Variants in CRLS1 observed in about 807,000 individuals in gnomAD.
CRLS1 encodes cardiolipin synthase 1, also known as cardiolipin synthase (CMP-forming).
In CRLS1, 24 loss-of-function variants were observed where a neutral mutation model predicts 37.0. The ratio of observed to expected loss-of-function variants is 0.65; its 90% CI spans 0.47 to 0.91. CRLS1 has a LOEUF of 0.91. Among genes scored for constraint, CRLS1 ranks in the 40% least tolerant of loss-of-function variants. The probability of loss-of-function intolerance (pLI) is 0.00; values close to 1 mark genes in which losing one functional copy is unlikely to be tolerated. For synonymous variants in CRLS1, 135 were observed against 159.7 expected (o/e 0.85, Z 1.17); for missense variants, 373 against 395.8 (o/e 0.94, Z 0.49).
chr20:6,020,693 G>A (rs1228482565), intron 3 of CRLS1, among the ~76,000 whole-genome samples: 1 of 151,620 alleles, frequency 6.6e-6, no homozygotes, highest in Non-Finnish European at 1.5e-5. Context: ...CGCAATCTTG[G>A]CTCACTGCAA....
At chr20:6,031,080 T>A (rs1181149475) in intron 3 of CRLS1, 1 of 444,146 alleles carries the variant, frequency 2.3e-6, no homozygotes. Flanking sequence ...GTACTTCACT[T>A]TGTTTTGAGG....
chr20:6,028,761 C>T (rs1005806269), intron 3 of CRLS1: 5 of 152,200 alleles, frequency 3.3e-5, no homozygotes, highest in African/African-American at 1.2e-4. Flanking sequence ...ATTTTACTTA[C>T]AGACACTGGA....
chr20:6,018,543 A>G (rs945095016), intron 3 of CRLS1, among the ~76,000 whole-genome samples: 4 of 152,166 alleles, frequency 2.6e-5, no homozygotes, highest in Non-Finnish European at 5.9e-5. Flanking sequence ...ACTATTAAAG[A>G]TGATGTTTGC....
intron 6 of CRLS1, among the ~76,000 whole-genome samples, chr20:6,036,613 G>A (rs6038334): frequency 6.6e-6 from 1 of 152,092 alleles, no homozygotes; most frequent in Non-Finnish European, 1.5e-5. Flanking sequence ...GAGTTCAAAC[G>A]AAGTCAGGCT....
intron 3 of CRLS1, among the ~76,000 whole-genome samples, chr20:6,029,579 G>A (rs1199970930): frequency 6.6e-6 from 1 of 152,038 alleles, no homozygotes; most frequent in Admixed American, 6.5e-5. Flanking sequence ...GGCTGATCTC[G>A]AACTCCTGAC....
intron 2 of CRLS1, among the ~76,000 whole-genome samples, chr20:6,010,510 C>T (rs74935671): frequency 0.026 from 4,002 of 152,280 alleles, 167 homozygotes; most frequent in African/African-American, 0.091. Flanking sequence ...GACAATTGGA[C>T]GTCCTTCCTT....
chr20:6,015,991 T>C (rs1978714195), intron 3 of CRLS1: 1 of 155,094 alleles, frequency 6.4e-6, no homozygotes, highest in East Asian at 1.9e-4. Context: ...TGATAAGATT[T>C]CATGATTTTT....
intron 6 of CRLS1, 105 bp from the exon 7 acceptor site, chr20:6,036,969 A>T: frequency 1.3e-6 from 1 of 794,154 alleles, no homozygotes; most frequent in African/African-American, 1.7e-5. Context: ...TACTTTTTAA[A>T]TTCATTTTTA....
At chr20:6,013,658 A>T (rs1026878193) in intron 2 of CRLS1, among the ~76,000 whole-genome samples, 3 of 152,196 alleles carry the variant, frequency 2.0e-5, no homozygotes, top group Admixed American at 6.5e-5. Flanking sequence ...TGGAAGAGAC[A>T]GTGTGAAAAG....
At chr20:6,030,104 C>T (rs560464392) in intron 3 of CRLS1, among the ~76,000 whole-genome samples, 6 of 149,878 alleles carry the variant, frequency 4.0e-5, no homozygotes, top group Non-Finnish European at 5.9e-5. Flanking sequence ...CTGTTGGAAC[C>T]GAGTGTTTGA....
chr20:6,021,067 T>G (rs1429521192), intron 3 of CRLS1, among the ~76,000 whole-genome samples: 27 of 18,862 alleles, frequency 1.4e-3, no homozygotes, highest in Non-Finnish European at 5.4e-4. Context: ...TTTTGTATCT[T>G]TTTTTTTTTT....
chr20:6,018,304 C>T (rs910628314), intron 3 of CRLS1, among the ~76,000 whole-genome samples: 3 of 149,998 alleles, frequency 2.0e-5, no homozygotes, highest in Admixed American at 6.6e-5. Context: ...ATTGTTATGT[C>T]TAGCGAAACT....
At chr20:6,015,340 A>T (rs754289374) in intron 2 of CRLS1, 21 bp from the exon 3 acceptor site, 36 of 1,520,212 alleles carry the variant, frequency 2.4e-5, no homozygotes, top group African/African-American at 5.6e-5. Flanking sequence ...TATATATATA[A>T]AAAAAAACTT....
At chr20:6,022,756 G>T (rs1268990899) in intron 3 of CRLS1, among the ~76,000 whole-genome samples, 1 of 152,044 alleles carries the variant, frequency 6.6e-6, no homozygotes, top group Admixed American at 6.6e-5. Context: ...GTTTTATTCT[G>T]CTTGGGATTT....
Position 6,039,757 on chromosome 20 carries a change from AAG to A in CRLS1, c.*2600_*2601del. ...GGTTTTTTTGTTAAAAAAAAAAAAA[AAG>A]GAAATGTGAACAGAGAGAGAATGCC... On this transcript the variant is annotated 3_prime_UTR_variant, in exon 7 of 7. Transcript: ENST00000378863. The A allele has an allele frequency of 6.7e-6, 1 of 149,250 alleles. No individual in the cohort carries two copies. Among genetic ancestry groups the A allele is most frequent in the Non-Finnish European group, 1.5e-5 (1 of 67,508 alleles). The allele number at this position is 149,250 out of a possible 1,614,324, so 9.2% of individuals were successfully genotyped here. A position where few individuals can be genotyped will look rare whatever the true frequency, so the allele number is the denominator to read the frequency against.
At chr20:6,013,679 T>C (rs1272255524) in intron 2 of CRLS1, among the ~76,000 whole-genome samples, 2 of 152,020 alleles carry the variant, frequency 1.3e-5, no homozygotes, top group East Asian at 3.9e-4. Flanking sequence ...AGAGGGTAAA[T>C]ATGGTAAACA....
chr20:6,023,694 GA>G (rs1979451572), intron 3 of CRLS1, among the ~76,000 whole-genome samples: 1 of 128,602 alleles, frequency 7.8e-6, no homozygotes, highest in Non-Finnish European at 1.7e-5. Flanking sequence ...ACCTTCCGTT[GA>G]ATTTTTTTGG....
chr20:6,032,898 G>A (rs55809578), intron 5 of CRLS1, among the ~76,000 whole-genome samples: 2,790 of 152,074 alleles, frequency 0.018, 83 homozygotes, highest in African/African-American at 0.063. Context: ...TCATCTACAT[G>A]CATAGGGTTT....
At chr20:6,011,242 T>C (rs1844215241) in intron 2 of CRLS1, among the ~76,000 whole-genome samples, 2 of 152,170 alleles carry the variant, frequency 1.3e-5, no homozygotes, top group South Asian at 4.1e-4. Context: ...TCAATATTTA[T>C]TGAGTGAGAA....
Sources: gnomAD v4.1 joint callset for allele counts (sites outside exome capture counted in the v4.1 genomes callset) on GRCh38, gnomAD v4.1.1 for gene constraint, MANE v1.5 for transcripts, NCBI Gene and HGNC (gene_info 2026-07-23, HGNC 2026-07-21) for gene names.